CNTN3: variants seen among roughly 807,000 people sequenced by gnomAD.
CNTN3 encodes contactin-3.
A neutral mutation model predicts 119.1 loss-of-function variants in CNTN3; 60 were observed. That is an observed-to-expected ratio of 0.50 (90% confidence interval 0.41 to 0.62). CNTN3 has a LOEUF of 0.62. Ranked by LOEUF, CNTN3 falls within the 20% of genes least tolerant of loss-of-function variation. The pLI is 0.00. For synonymous variants in CNTN3, 450 were observed against 438.7 expected, an observed-to-expected ratio of 1.03 and a Z score of -0.32; for missense variants, 1,101 against 1,242.4, an observed-to-expected ratio of 0.89 and a Z score of 1.71.
At chr3:74,340,463 A>T (rs992977753) in intron 11 of CNTN3, among the ~76,000 whole-genome samples, 1 of 152,066 alleles carries the variant, frequency 6.6e-6, no homozygotes, top group Admixed American at 6.6e-5. Flanking sequence ...GGAAAGAGAG[A>T]GCATGATTAA....
At chr3:74,434,402 G>A (rs1036035015) in intron 4 of CNTN3, among the ~76,000 whole-genome samples, 2 of 152,158 alleles carry the variant, frequency 1.3e-5, no homozygotes, top group African/African-American at 4.8e-5. Flanking sequence ...CTTCCTTACA[G>A]TTTTTCAAAC....
chr3:74,372,444 C>T (rs927872679), intron 5 of CNTN3, among the ~76,000 whole-genome samples: 27 of 151,956 alleles, frequency 1.8e-4, no homozygotes, highest in Admixed American at 1.6e-3. Flanking sequence ...GTTCTGGAGG[C>T]CCAGGTTGTT....
Position 74,285,344 on chromosome 3 carries a change from G to A in CNTN3, c.2665C>T (p.Pro889Ser). ...GTTACATTAACTGTGGCGCTAAAAG[G>A]CCCAGCGCCGGCACTGTTGTAAGCC... ...VRAYNSAGAG[P>S]FSATVNVTTK... Residue 889 changes from proline to serine, a missense_variant, in exon 20 of 23, where the codon CCT (proline) becomes TCT (serine). Physicochemically the swap from Pro to Ser is moderately conservative, Grantham distance 74. Coordinates refer to ENST00000263665, the MANE Select transcript of CNTN3 (RefSeq NM_020872.3). 1 of 1,612,248 alleles carries A rather than the reference G, an allele frequency of 6.2e-7. No individual in the cohort carries two copies. Among genetic ancestry groups the A allele is most frequent in the Non-Finnish European group, 8.5e-7 (1 of 1,179,256 alleles).
At chr3:74,472,172 C>T (rs1702577422) in intron 4 of CNTN3, among the ~76,000 whole-genome samples, 1 of 152,116 alleles carries the variant, frequency 6.6e-6, no homozygotes, top group Non-Finnish European at 1.5e-5. Flanking sequence ...TTCAACTCAA[C>T]CTCAGTGGTT....
chr3:74,521,010 C>T (rs530110188), intron 2 of CNTN3, 48 bp downstream of exon 2: 4 of 1,129,890 alleles, frequency 3.5e-6, no homozygotes, highest in East Asian at 2.7e-5. Context: ...GCATATGACT[C>T]GAGTATACTT....
At chr3:74,270,344 CTCT>C (rs1290933236) in intron 20 of CNTN3, among the ~76,000 whole-genome samples, 1 of 152,202 alleles carries the variant, frequency 6.6e-6, no homozygotes, top group African/African-American at 2.4e-5. Flanking sequence ...TTGCTTTCCT[CTCT>C]TTTCTCTTTG....
At chr3:74,580,443 C>A (rs1054649801) in intron 1 of CNTN3, among the ~76,000 whole-genome samples, 8 of 152,036 alleles carry the variant, frequency 5.3e-5, no homozygotes, top group African/African-American at 1.9e-4. Context: ...GAAAATTACA[C>A]AACAATATTT....
At chr3:74,454,407 C>T (rs1166521891) in intron 4 of CNTN3, among the ~76,000 whole-genome samples, 4 of 150,346 alleles carry the variant, frequency 2.7e-5, no homozygotes, top group Non-Finnish European at 5.9e-5. Flanking sequence ...ATGTGTGTCT[C>T]TGCACGTGAG....
chr3:74,598,039 A>C (rs1704842673), intron 1 of CNTN3, among the ~76,000 whole-genome samples: 1 of 152,074 alleles, frequency 6.6e-6, no homozygotes, highest in South Asian at 2.1e-4. Context: ...ATGATAGCCT[A>C]TGATTCCTTT....
intron 13 of CNTN3, among the ~76,000 whole-genome samples, chr3:74,328,286 A>C (rs1371849513): frequency 1.3e-5 from 2 of 152,076 alleles, no homozygotes; most frequent in African/African-American, 4.8e-5. Flanking sequence ...TTAATCATAC[A>C]TTATTTGAGG....
chr3:74,390,495 A>G (rs1290652962), intron 5 of CNTN3, among the ~76,000 whole-genome samples: 7 of 147,844 alleles, frequency 4.7e-5, no homozygotes, highest in East Asian at 2.0e-4. Context: ...GCTTTGGGGG[A>G]AAAAAAAAAT....
chr3:74,578,898 T>TA (rs1237790197), intron 1 of CNTN3, among the ~76,000 whole-genome samples: 1 of 152,010 alleles, frequency 6.6e-6, no homozygotes, highest in African/African-American at 2.4e-5. Flanking sequence ...CAATACATGA[T>TA]ATGTACACTC....
intron 5 of CNTN3, among the ~76,000 whole-genome samples, chr3:74,373,917 T>C (rs560485621): frequency 6.6e-6 from 1 of 152,226 alleles, no homozygotes; most frequent in Non-Finnish European, 1.5e-5. Flanking sequence ...TGCAGACTGG[T>C]GCAGACATGG....
intron 1 of CNTN3, among the ~76,000 whole-genome samples, chr3:74,530,614 G>C (rs1388722674): frequency 6.6e-6 from 1 of 151,912 alleles, no homozygotes; most frequent in Non-Finnish European, 1.5e-5. Context: ...GTGAAGGAAA[G>C]GGATTCTCAG....
chr3:74,338,726 T>C (rs1222284933), intron 11 of CNTN3, among the ~76,000 whole-genome samples: 1 of 152,106 alleles, frequency 6.6e-6, no homozygotes, highest in African/African-American at 2.4e-5. Context: ...CGGTTTGTTA[T>C]GCATATGATT....
At chr3:74,301,603 T>A (rs779994435) in intron 15 of CNTN3, 44 bp downstream of exon 15, 1 of 1,612,156 alleles carries the variant, frequency 6.2e-7, no homozygotes, top group South Asian at 1.1e-5. Context: ...TGACTTGAAA[T>A]CCATTTATAT....
chr3:74,576,931 T>C (rs974641779), intron 1 of CNTN3, among the ~76,000 whole-genome samples: 33 of 152,150 alleles, frequency 2.2e-4, no homozygotes, highest in African/African-American at 7.5e-4. Flanking sequence ...AAATCAACAG[T>C]GTCTGTCGAA....
chr3:74,586,209 A>G (rs1704589760), intron 1 of CNTN3, among the ~76,000 whole-genome samples: 1 of 151,708 alleles, frequency 6.6e-6, no homozygotes, highest in East Asian at 1.9e-4. Context: ...ATCTGAGAAA[A>G]CCTCTTATGA....
intron 4 of CNTN3, among the ~76,000 whole-genome samples, chr3:74,449,877 G>A (rs571861570): frequency 2.0e-5 from 3 of 152,222 alleles, no homozygotes; most frequent in Admixed American, 6.5e-5. Context: ...TTAGCATGAA[G>A]CAAAAGAAGT....
Sources: allele counts gnomAD v4.1 joint callset (sites outside exome capture counted in the v4.1 genomes callset), GRCh38; gene constraint gnomAD v4.1.1; transcripts MANE v1.5; gene names NCBI Gene and HGNC (gene_info 2026-07-23, HGNC 2026-07-21).